The following ITGA3 variants were observed in gnomAD, a reference collection of about 807,000 sequenced individuals.
The protein encoded by ITGA3 is integrin subunit alpha 3.
A neutral mutation model predicts 131.1 loss-of-function variants in ITGA3; 70 were observed. The ratio of observed to expected loss-of-function variants is 0.53; its 90% CI spans 0.44 to 0.65. ITGA3 has a LOEUF of 0.65. Ranked by LOEUF, ITGA3 falls within the 30% of genes least tolerant of loss-of-function variation. The probability of loss-of-function intolerance (pLI) is 0.00; values close to 1 mark genes in which losing one functional copy is unlikely to be tolerated. For missense variants in ITGA3, 1,098 were observed against 1,388.6 expected (o/e 0.79, Z 3.33); for synonymous variants, 537 against 571.6 (o/e 0.94, Z 0.86).
Position 50,068,063 on chromosome 17 carries a change from C to T in ITGA3, c.422C>T (p.Ala141Val), listed in dbSNP as rs567819625. The T allele has an allele frequency of 6.2e-7, 1 of 1,613,950 alleles. No homozygotes were observed. The highest frequency in any genetic ancestry group is 1.3e-5 in the African/African-American group (1 of 75,060). ...QGPAGRVLVC[A>V]HRYTQVLWSG... ...TGTTTGGGGGGTCCCCAGGTCTGTG[C>T]CCACCGCTACACCCAGGTGCTGTGG... The change falls in exon 4 of 26, where the codon GCC (alanine) becomes GTC (valine). Residue 141 changes from alanine (A) to valine (V), a missense_variant. Physicochemically the swap from Ala to Val is moderately conservative, Grantham distance 64. Around this residue, in one of 3 missense-constraint regions of ITGA3, gnomAD observed 356 missense variants for 529.2 expected, o/e 0.67. Transcript: ENST00000320031.
At position 50,071,299 on chromosome 17, in the gene ITGA3, C is replaced by T. The variant is rs970984820; in HGVS notation, c.752-12C>T. 3 of 1,612,420 alleles carry T rather than the reference C, an allele frequency of 1.9e-6. No individual in the cohort carries two copies. The highest frequency in any genetic ancestry group is 1.7e-4 in the Middle Eastern group (1 of 6,058). ...ACTGGGACCTTGGTTGAACATCTTC[C>T]CTCTATCCCAGGGTACACGATGCAG... On this transcript the variant is annotated splice_polypyrimidine_tract_variant and intron_variant, in intron 5 of 25. Coordinates refer to ENST00000320031, the MANE Select transcript of ITGA3 (RefSeq NM_002204.4).
chr17:50,086,706 A>C (rs1394648016), intron 23 of ITGA3: 5 of 150,408 alleles, frequency 3.3e-5, no homozygotes, highest in Admixed American at 2.0e-4. Context: ...AAAAAAAAAA[A>C]ACCTCATATA....
chr17:50,060,065 C>T (rs574457220), intron 1 of ITGA3, among the ~76,000 whole-genome samples: 7 of 152,230 alleles, frequency 4.6e-5, no homozygotes, highest in Non-Finnish European at 7.4e-5. Context: ...ATGGCTAATT[C>T]GGGCAGCAAG....
At position 50,064,673 on chromosome 17, in the gene ITGA3, G is replaced by C; in HGVS notation, c.414+66G>C. 1.5e-6 allele frequency: 2 copies of C among 1,360,042 alleles called. No individual in the cohort carries two copies. The allele number at this position is 1,360,042 out of a possible 1,614,324, so 84.2% of individuals were successfully genotyped here. On this transcript the variant is annotated intron_variant, in intron 3 of 25. Coordinates refer to ENST00000320031, the MANE Select transcript of ITGA3 (RefSeq NM_002204.4). The surrounding 1 kb of genome is among the most constrained non-coding windows in gnomAD (Gnocchi z 4.4). ...GCTCTCCCCTCATCTCCAGAGCTGG[G>C]AGGAAAGAAGAGGGCAGCAGGGGGG...
intron 1 of ITGA3, among the ~76,000 whole-genome samples, chr17:50,061,171 A>G (rs532792621): frequency 9.6e-4 from 146 of 152,150 alleles, no homozygotes; most frequent in African/African-American, 3.4e-3. Flanking sequence ...CTGAGGAGGG[A>G]GGGGCCTGGG....
At chr17:50,086,956 G>C (rs1192336385) in intron 23 of ITGA3, 1 of 152,320 alleles carries the variant, frequency 6.6e-6, no homozygotes, top group Non-Finnish European at 1.5e-5. Flanking sequence ...GGAGGCTGAG[G>C]CAGGAGAATC....
In ITGA3 at chr17:50,076,459, T is replaced by C. The variant is rs751102319; in HGVS notation, c.1808T>C (p.Leu603Pro). 6.2e-7 allele frequency: 1 copy of C among 1,609,314 alleles called. No individual in the cohort carries two copies. Among genetic ancestry groups the C allele is most frequent in the Non-Finnish European group, 8.5e-7 (1 of 1,179,902 alleles). The change falls in exon 13 of 26, where the codon CTG becomes CCG. Residue 603 changes from leucine (L) to proline (P), a missense_variant. Physicochemically the swap from Leu to Pro is moderately conservative, Grantham distance 98. Transcript: ENST00000320031. ...CCGATCCTCAACCAGGCACAGGCTCTGGAGAACCACACTGAGGTGAGTGGG... is the reference window on the plus strand; with the variant it reads ...CCGATCCTCAACCAGGCACAGGCTCCGGAGAACCACACTGAGGTGAGTGGG... ...AYPILNQAQA[L>P]ENHTEVQFQK...
chr17:50,082,407 G>C (rs1255628159), intron 23 of ITGA3, among the ~76,000 whole-genome samples: 1 of 152,094 alleles, frequency 6.6e-6, no homozygotes, highest in African/African-American at 2.4e-5. Flanking sequence ...TCAATTTCCT[G>C]ACCTTGTGAT....
At position 50,056,518 on chromosome 17, in the gene ITGA3, G is replaced by T. The variant is rs771778302; in HGVS notation, c.79G>T (p.Gly27Cys). 6.4e-7 allele frequency: 1 copy of T among 1,551,274 alleles called. No homozygotes were observed. The highest frequency in any genetic ancestry group is 1.2e-5 in the South Asian group (1 of 84,138). ...CALALMVAAGGCVVSAFNLDT... is the reference protein window; with the variant it reads ...CALALMVAAGCCVVSAFNLDT... ...GCTCGCCTTGATGGTGGCGGCCGGC[G>T]GCTGCGTCGTCTCCGCCTTCAACCT... The change falls in exon 1 of 26, where the codon GGC (glycine) becomes TGC (cysteine). Residue 27 changes from glycine to cysteine, a missense_variant. By Grantham distance (159) the Gly-to-Cys change is radical. This residue lies in a region of ITGA3 where 356 missense variants were observed against 529.2 expected (regional missense o/e 0.67). Transcript: ENST00000320031. The surrounding 1 kb of genome is among the most constrained non-coding windows in gnomAD (Gnocchi z 5.6).
intron 1 of ITGA3, among the ~76,000 whole-genome samples, chr17:50,060,782 G>T (rs1198241521): frequency 6.6e-6 from 1 of 152,150 alleles, no homozygotes; most frequent in Non-Finnish European, 1.5e-5. Context: ...CCTCCTTCTG[G>T]CTGCAGCTGA....
chr17:50,060,170 C>T (rs57925835), intron 1 of ITGA3, among the ~76,000 whole-genome samples: 31,368 of 152,110 alleles, frequency 0.21, 4,510 homozygotes, highest in African/African-American at 0.38. Flanking sequence ...ACCTGCCTCC[C>T]GGCCGGGGAT....
At chr17:50,085,699 T>C (rs973948288) in intron 23 of ITGA3, among the ~76,000 whole-genome samples, 8 of 124,040 alleles carry the variant, frequency 6.4e-5, no homozygotes, top group Admixed American at 7.8e-5. Flanking sequence ...ATAATATATA[T>C]TAGATTATAC....
Position 50,080,283 on chromosome 17 carries a change from C to T in ITGA3, c.2728C>T (p.His910Tyr), listed in dbSNP as rs756876001. ...TVLTCATGRAHCVWLECPIPD... is the reference protein window; with the variant it reads ...TVLTCATGRAYCVWLECPIPD... The stretch of plus-strand genomic sequence containing the variant: ...TCAGACCTGTGCCACAGGGCGTGCC[C>T]ACTGTGTGTGGCTAGAGTGCCCCAT... Residue 910 changes from histidine (H) to tyrosine (Y), a missense_variant, in exon 22 of 26, where the codon CAC (histidine) becomes TAC (tyrosine). This residue lies in a region of ITGA3 where 699 missense variants were observed against 829.2 expected (regional missense o/e 0.84). Transcript: ENST00000320031. 1.9e-6 allele frequency: 3 copies of T among 1,612,356 alleles called. No homozygotes were observed. The East Asian group carries it at 6.7e-5, about 36-fold the overall frequency.
rs1251191688 is a variant in ITGA3, at chr17:50,070,902, C to G, written c.723C>G (p.Asp241Glu). Residue 241 changes from aspartate to glutamate, a missense_variant, in exon 5 of 26, where the codon GAC (aspartate) becomes GAG (glutamate). This residue lies in a region of ITGA3 where 356 missense variants were observed against 529.2 expected (regional missense o/e 0.67). Coordinates refer to ENST00000320031, the MANE Select transcript of ITGA3 (RefSeq NM_002204.4). ...EWDLSEYSYK[D>E]PEDQGNLYIG... ...ACTTATCTGAGTATAGTTACAAGGA[C>G]CCAGAGGACCAAGGAAACCTCTATA... is the stretch of plus-strand genomic sequence containing the variant. 6.2e-7 allele frequency: 1 copy of G among 1,610,686 alleles called. No individual in the cohort carries two copies. The highest frequency in any genetic ancestry group is 8.5e-7 in the Non-Finnish European group (1 of 1,177,210).
rs201859228 is a variant in ITGA3, at chr17:50,074,438, G to T, written c.1383-10G>T. On this transcript the variant is annotated splice_polypyrimidine_tract_variant and intron_variant, in intron 9 of 25. Transcript: ENST00000320031. The stretch of plus-strand genomic sequence containing the variant: ...GCACTGATATCTGTCTGGCTCTGTT[G>T]TCTCTGCAGGGCCCGGCCCGTCATC... 3.4e-5 allele frequency: 55 copies of T among 1,613,616 alleles called. No individual in the cohort carries two copies. Among genetic ancestry groups the T allele is most frequent in the Non-Finnish European group, 4.2e-5 (49 of 1,179,742 alleles).
At chr17:50,069,705 T>C (rs79412291) in intron 4 of ITGA3, among the ~76,000 whole-genome samples, 10,392 of 152,200 alleles carry the variant, frequency 0.068, 1,101 homozygotes, top group African/African-American at 0.24. Context: ...CTCTTTCTCT[T>C]ATCAAAAGTC....
At position 50,064,846 on chromosome 17, in the gene ITGA3, TC is replaced by T; in HGVS notation, c.414+241del. ...TGAGTTCTCTGACTCATCCACTTCC[TC>T]CGCATGCCTACACTGGGTGCTCAGC... On this transcript the variant is annotated intron_variant, in intron 3 of 25. Coordinates refer to ENST00000320031, the MANE Select transcript of ITGA3 (RefSeq NM_002204.4). The surrounding 1 kb of genome is among the most constrained non-coding windows in gnomAD (Gnocchi z 4.4). The T allele has an allele frequency of 2.2e-6, 1 of 446,814 alleles. No homozygotes were observed. The highest frequency in any genetic ancestry group is 4.0e-6 in the Non-Finnish European group (1 of 249,870). 27.7% of individuals were successfully genotyped at this position (446,814 alleles called of 1,614,324 possible).
intron 16 of ITGA3, among the ~76,000 whole-genome samples, chr17:50,077,740 T>C (rs1052513438): frequency 3.3e-5 from 5 of 152,220 alleles, no homozygotes; most frequent in African/African-American, 1.2e-4. Context: ...TTTGATATGA[T>C]ATAATTCTCA....
Position 50,077,217 on chromosome 17 carries a change from G to A in ITGA3, c.2070+96G>A, listed in dbSNP as rs535741049. 4.1e-5 allele frequency: 56 copies of A among 1,360,240 alleles called. 1 individual carries two copies. The Middle Eastern group carries it at 2.4e-3, about 58-fold the overall frequency. The allele number at this position is 1,360,240 out of a possible 1,614,324, so 84.3% of individuals were successfully genotyped here. ...CTGTGCAGGTGTTGTCGTCTGCCACGTGCCCACCTCCTCTGGTCTGGGCCT... is the reference window on the plus strand; with the variant it reads ...CTGTGCAGGTGTTGTCGTCTGCCACATGCCCACCTCCTCTGGTCTGGGCCT... On this transcript the variant is annotated intron_variant, in intron 15 of 25. Transcript: ENST00000320031.
Sources: gnomAD v4.1 joint callset for allele counts (sites outside exome capture counted in the v4.1 genomes callset) on GRCh38, gnomAD v4.1.1 for gene constraint, gnomAD v4.1.1 regional missense constraint, Gnocchi (gnomAD v3.1) non-coding constraint, MANE v1.5 for transcripts, NCBI Gene and HGNC (gene_info 2026-07-23, HGNC 2026-07-21) for gene names.